The following FOXP1 variants were observed in gnomAD, a reference collection of about 807,000 sequenced individuals.
FOXP1 encodes forkhead box P1, also known as forkhead box protein P1.
Under a neutral mutation model 98.2 loss-of-function variants are expected in FOXP1, and 15 were observed. The ratio of observed to expected loss-of-function variants is 0.15; its 90% CI spans 0.10 to 0.24. The LOEUF (loss-of-function observed/expected upper bound fraction) is 0.24, where lower values mean the gene tolerates loss of function less well. Among genes scored for constraint, FOXP1 ranks in the 10% least tolerant of loss-of-function variants. The pLI is 1.00. For synonymous variants in FOXP1, 371 were observed against 314.5 expected, an observed-to-expected ratio of 1.18 and a Z score of -1.90; for missense variants, 633 against 848.5, an observed-to-expected ratio of 0.75 and a Z score of 3.15.
In FOXP1 at chr3:70,957,606, A is replaced by C. The variant is rs142234598; in HGVS notation, c.*1641T>G. 9.3e-4 allele frequency: 217 copies of C among 232,734 alleles called. No homozygotes were observed. The highest frequency in any genetic ancestry group is 4.6e-3 in the African/African-American group (210 of 45,414). The allele number at this position is 232,734 out of a possible 1,614,324, so 14.4% of individuals were successfully genotyped here. On this transcript the variant is annotated 3_prime_UTR_variant, in exon 21 of 21. Transcript: ENST00000649528. ...AAAAACTACAGTCCTATATAAATAAATGACAGGAAAGTGGGTGCAGAGCTG... is the reference window on the plus strand; with the variant it reads ...AAAAACTACAGTCCTATATAAATAACTGACAGGAAAGTGGGTGCAGAGCTG...
chr3:71,583,960 C>G (rs963770894), upstream of FOXP1: 3 of 983,586 alleles, frequency 3.1e-6, no homozygotes, highest in Non-Finnish European at 3.6e-6. Flanking sequence ...CCCTCTTTGC[C>G]GTTCGCCGGG....
At chr3:71,130,782 T>C in intron 6 of FOXP1, 1 of 1,438,942 alleles carries the variant, frequency 6.9e-7, no homozygotes, top group Non-Finnish European at 9.1e-7. Context: ...CAAGTAATTC[T>C]TCACTTTCAA....
At chr3:71,574,306 T>A (rs2047562107) in intron 2 of FOXP1, 1 of 152,216 alleles carries the variant, frequency 6.6e-6, no homozygotes, top group Admixed American at 6.5e-5. Context: ...GTGGGCATTA[T>A]GGACACATTA....
intron 7 of FOXP1, among the ~76,000 whole-genome samples, chr3:71,070,536 A>C (rs534495212): frequency 1.1e-3 from 162 of 152,364 alleles, no homozygotes; most frequent in African/African-American, 3.8e-3. Context: ...AAGCAAAAGA[A>C]GAGTACTTGC....
At chr3:70,966,221 G>A (rs1033106321) in intron 19 of FOXP1, 165 bp from the exon 20 acceptor site, 32 of 690,142 alleles carry the variant, frequency 4.6e-5, no homozygotes, top group East Asian at 3.1e-4. Context: ...AAAACGACTC[G>A]TGGCACCTGT....
intron 3 of FOXP1, among the ~76,000 whole-genome samples, chr3:71,397,659 T>A (rs889067429): frequency 6.6e-6 from 1 of 152,142 alleles, no homozygotes; most frequent in Non-Finnish European, 1.5e-5. Flanking sequence ...GAGAAAACAA[T>A]AGGAGGACCC....
At chr3:71,460,918 T>C (rs2088025761) in intron 3 of FOXP1, among the ~76,000 whole-genome samples, 1 of 152,124 alleles carries the variant, frequency 6.6e-6, no homozygotes, top group Non-Finnish European at 1.5e-5. Context: ...CTTAGAACTG[T>C]CTGATGGTGG....
intron 3 of FOXP1, among the ~76,000 whole-genome samples, chr3:71,423,631 A>T (rs1283845680): frequency 6.6e-6 from 1 of 152,208 alleles, no homozygotes; most frequent in Admixed American, 6.5e-5. Context: ...TAGAACCAGA[A>T]TTAGAGAGGT....
rs117572580 is a variant in FOXP1, at chr3:71,550,971, G to T, written c.-298+30578C>A. 6.3e-4 allele frequency among the ~76,000 whole-genome samples: 96 copies of T among 152,178 alleles called. No individual in the cohort carries two copies. In the East Asian group the frequency reaches 0.011, roughly 17 times the overall value. Reference sequence around the variant, plus strand: ...TTTCCTTCCAGACTTCACGGAGTTGGGTTTCACTTAGGAGACAAATTATAT... The same window carrying T: ...TTTCCTTCCAGACTTCACGGAGTTGTGTTTCACTTAGGAGACAAATTATAT... On this transcript the variant is annotated intron_variant, in intron 2 of 20. Transcript: ENST00000649528.
intron 6 of FOXP1, among the ~76,000 whole-genome samples, chr3:71,179,622 C>G (rs2062165828): frequency 6.6e-6 from 1 of 152,158 alleles, no homozygotes; most frequent in Admixed American, 6.5e-5. Flanking sequence ...TTAACCCTCA[C>G]AATTCTCACT....
chr3:71,582,435 G>A (rs981942073), intron 1 of FOXP1: 7 of 985,350 alleles, frequency 7.1e-6, no homozygotes, highest in South Asian at 9.4e-5. Flanking sequence ...GCTGGCTCCA[G>A]GGAGTCGTCT....
intron 12 of FOXP1, among the ~76,000 whole-genome samples, 164 bp from the exon 13 acceptor site, chr3:71,001,223 T>C (rs912254232): frequency 6.6e-6 from 1 of 152,208 alleles, no homozygotes; most frequent in African/African-American, 2.4e-5. Flanking sequence ...AATGCTGTCA[T>C]TATGTATAAT....
At chr3:71,216,305 A>G (rs2064922342) in intron 5 of FOXP1, among the ~76,000 whole-genome samples, 1 of 152,238 alleles carries the variant, frequency 6.6e-6, no homozygotes, top group African/African-American at 2.4e-5. Context: ...AGTATGATTG[A>G]ATAAGTCTCC....
At chr3:70,983,119 G>A (rs2039153024) in intron 14 of FOXP1, among the ~76,000 whole-genome samples, 1 of 152,194 alleles carries the variant, frequency 6.6e-6, no homozygotes, top group African/African-American at 2.4e-5. Flanking sequence ...GCAGGACAAT[G>A]GGTGGCAGCC....
chr3:71,118,076 G>A (rs1559965725), intron 6 of FOXP1, among the ~76,000 whole-genome samples: 1 of 152,184 alleles, frequency 6.6e-6, no homozygotes, highest in Non-Finnish European at 1.5e-5. Flanking sequence ...ATCTGCACAA[G>A]GAGTTGGAAC....
In FOXP1 at chr3:70,958,769, G is replaced by GAAAA. The variant is rs2032492016; in HGVS notation, c.*477_*478insTTTT. On this transcript the variant is annotated 3_prime_UTR_variant, in exon 21 of 21. Coordinates refer to ENST00000649528, the MANE Select transcript of FOXP1 (RefSeq NM_001349338.3). ...AAAAAAAAAAAAAAAAAAAAAAAAG[G>GAAAA]AGTAAAGGCAGTGATAATCAACATG... is the stretch of plus-strand genomic sequence containing the variant. 1 of 145,058 alleles carries GAAAA rather than the reference G, an allele frequency of 6.9e-6. No homozygotes were observed. Among genetic ancestry groups the GAAAA allele is most frequent in the African/African-American group, 4.0e-5 (1 of 24,984 alleles). 9.0% of individuals were successfully genotyped at this position (145,058 alleles called of 1,614,324 possible).
At chr3:71,480,361 G>A (rs1201297574) in intron 3 of FOXP1, among the ~76,000 whole-genome samples, 2 of 152,160 alleles carry the variant, frequency 1.3e-5, no homozygotes, top group Middle Eastern at 3.2e-3. Flanking sequence ...CTTCTACACA[G>A]TTACCTGGCT....
intron 5 of FOXP1, among the ~76,000 whole-genome samples, chr3:71,267,226 A>T (rs2069780065): frequency 6.6e-6 from 1 of 152,006 alleles, no homozygotes; most frequent in Non-Finnish European, 1.5e-5. Context: ...TTGCCTTTGC[A>T]TTAAAGATTA....
chr3:70,986,680 G>C (rs1384427542), intron 14 of FOXP1, among the ~76,000 whole-genome samples: 9 of 152,188 alleles, frequency 5.9e-5, no homozygotes, highest in African/African-American at 2.2e-4. Context: ...CCACAACAGT[G>C]AATGACCTGG....
Sources: allele counts gnomAD v4.1 joint callset (sites outside exome capture counted in the v4.1 genomes callset), GRCh38; gene constraint gnomAD v4.1.1; transcripts MANE v1.5; gene names NCBI Gene and HGNC (gene_info 2026-07-23, HGNC 2026-07-21).